The following CUX1 variants were observed in gnomAD, a reference collection of about 807,000 sequenced individuals.
The protein encoded by CUX1 is cut like homeobox 1, also known as protein CASP.
CUX1 carries 31 observed loss-of-function variants against 158.8 expected under a neutral mutation model. The observed-to-expected ratio is 0.20, with a 90% CI of 0.15 to 0.26. The LOEUF (loss-of-function observed/expected upper bound fraction) is 0.26. CUX1 is among the 10% of genes least tolerant of loss of function. The probability of loss-of-function intolerance (pLI) is 1.00; values close to 1 mark genes in which losing one functional copy is unlikely to be tolerated. For missense variants in CUX1, 1,589 were observed against 2,014.6 expected, an observed-to-expected ratio of 0.79 and a Z score of 4.04; for synonymous variants, 879 against 862.1, an observed-to-expected ratio of 1.02 and a Z score of -0.34.
At chr7:101,928,921 C>T (rs532852817) in intron 2 of CUX1, among the ~76,000 whole-genome samples, 148 of 151,910 alleles carry the variant, frequency 9.7e-4, no homozygotes, top group African/African-American at 3.3e-3. Flanking sequence ...CCACCCGCCT[C>T]GGCCTCCCAA....
intron 20 of CUX1, among the ~76,000 whole-genome samples, chr7:102,222,726 G>T (rs1797928099): frequency 6.6e-6 from 1 of 151,294 alleles, no homozygotes; most frequent in African/African-American, 2.4e-5. Flanking sequence ...TGGGCGCAGG[G>T]TGCAGGCGCC....
intron 9 of CUX1, among the ~76,000 whole-genome samples, chr7:102,166,895 C>T (rs139222191): frequency 2.3e-4 from 35 of 152,254 alleles, no homozygotes; most frequent in African/African-American, 7.9e-4. Context: ...AGTCTGACAC[C>T]GTGACCGCCA....
chr7:101,993,935 C>G (rs533125277), intron 2 of CUX1, among the ~76,000 whole-genome samples: 36 of 152,324 alleles, frequency 2.4e-4, no homozygotes, highest in Middle Eastern at 6.8e-3. Flanking sequence ...CCTCCCAGCC[C>G]CAAACCCGTC....
chr7:102,143,461 C>T (rs983315681), intron 8 of CUX1, among the ~76,000 whole-genome samples: 3 of 152,060 alleles, frequency 2.0e-5, no homozygotes, highest in African/African-American at 2.4e-5. Context: ...TTTGTAGAGA[C>T]GGAGCTTCAC....
chr7:101,844,862 C>T (rs533203273), intron 1 of CUX1, among the ~76,000 whole-genome samples: 16 of 152,152 alleles, frequency 1.1e-4, no homozygotes, highest in African/African-American at 3.1e-4. Context: ...GTTATCCACC[C>T]ACTTTGGCCT....
At chr7:102,224,762 G>A (rs1449933740) in intron 20 of CUX1, among the ~76,000 whole-genome samples, 1 of 152,176 alleles carries the variant, frequency 6.6e-6, no homozygotes, top group African/African-American at 2.4e-5. Flanking sequence ...TCTGAGTTTC[G>A]TGGTGGCTCT....
chr7:102,193,342 A>G (rs1248616389), intron 12 of CUX1, among the ~76,000 whole-genome samples: 1 of 152,250 alleles, frequency 6.6e-6, no homozygotes, highest in African/African-American at 2.4e-5. Context: ...AATGATTTAC[A>G]TGCTAGGCAA....
intron 4 of CUX1, among the ~76,000 whole-genome samples, chr7:102,084,858 C>CTTTTTTTTTTT (rs60908109): frequency 1.8e-5 from 1 of 56,048 alleles, no homozygotes; most frequent in Non-Finnish European, 3.3e-5. Flanking sequence ...ATTTTCCTTG[C>CTTTTTTTTTTT]TTTTTTTTTT....
At chr7:102,118,258 C>G (rs1673591753) in intron 8 of CUX1, among the ~76,000 whole-genome samples, 1 of 152,200 alleles carries the variant, frequency 6.6e-6, no homozygotes, top group African/African-American at 2.4e-5. Context: ...ATTCTTAGGG[C>G]CAGGCGCGGT....
chr7:101,985,940 G>A (rs1004769228), intron 2 of CUX1, among the ~76,000 whole-genome samples: 1 of 152,170 alleles, frequency 6.6e-6, no homozygotes, highest in Admixed American at 6.5e-5. Flanking sequence ...TTAAAGGAAC[G>A]CAGCTTCAAT....
chr7:101,925,612 T>C (rs1805491337), intron 2 of CUX1, among the ~76,000 whole-genome samples: 1 of 152,140 alleles, frequency 6.6e-6, no homozygotes, highest in Non-Finnish European at 1.5e-5. Context: ...GGTATATAAA[T>C]TATACATCAA....
At chr7:102,132,310 C>CGT (rs1457668513) in intron 8 of CUX1, among the ~76,000 whole-genome samples, 7 of 25,372 alleles carry the variant, frequency 2.8e-4, no homozygotes, top group Admixed American at 6.7e-4. Context: ...TGTGTGTGTG[C>CGT]GCGCGCGCGC....
intron 2 of CUX1, among the ~76,000 whole-genome samples, chr7:101,929,319 A>G (rs1806028112): frequency 6.6e-6 from 1 of 152,150 alleles, no homozygotes; most frequent in African/African-American, 2.4e-5. Context: ...CTAGAGAGTA[A>G]TTTTCTCTCC....
At chr7:102,053,321 T>C (rs432600) in intron 3 of CUX1, among the ~76,000 whole-genome samples, 132,835 of 152,080 alleles carry the variant, frequency 0.87, 58,392 homozygotes, top group East Asian at 0.99. Flanking sequence ...TTTGTGGGGA[T>C]GTATATATAT....
intron 4 of CUX1, among the ~76,000 whole-genome samples, chr7:102,083,503 G>A (rs1827664186): frequency 6.8e-6 from 1 of 146,684 alleles, no homozygotes. Context: ...ATGAGGTCTA[G>A]CTGTGTTGCC....
At chr7:101,992,122 G>T (rs1303021566) in intron 2 of CUX1, among the ~76,000 whole-genome samples, 1 of 152,162 alleles carries the variant, frequency 6.6e-6, no homozygotes, top group East Asian at 1.9e-4. Flanking sequence ...TCAGGTAAGT[G>T]TGGCTACAGT....
intron 2 of CUX1, among the ~76,000 whole-genome samples, chr7:101,989,289 G>A (rs1018410118): frequency 1.3e-5 from 2 of 152,178 alleles, no homozygotes; most frequent in African/African-American, 2.4e-5. Context: ...ATGGCACCTC[G>A]CCTGGAACGA....
chr7:101,822,987 A>G (rs960818883), intron 1 of CUX1, among the ~76,000 whole-genome samples: 3 of 152,158 alleles, frequency 2.0e-5, no homozygotes, highest in African/African-American at 7.2e-5. Flanking sequence ...CCTCTCTAAT[A>G]AAAATAATTT....
intron 2 of CUX1, among the ~76,000 whole-genome samples, chr7:101,988,937 T>A (rs1814709726): frequency 6.6e-6 from 1 of 152,016 alleles, no homozygotes; most frequent in South Asian, 2.1e-4. Context: ...AGGTTGAGGC[T>A]GCAGTAAGCT....
Sources: allele counts gnomAD v4.1 joint callset (sites outside exome capture counted in the v4.1 genomes callset), GRCh38; gene constraint gnomAD v4.1.1; transcripts MANE v1.5; gene names NCBI Gene and HGNC (gene_info 2026-07-23, HGNC 2026-07-21).